The following RBFOX1 variants were observed in gnomAD, a reference collection of about 807,000 sequenced individuals.
RBFOX1 encodes RNA binding protein fox-1 homolog 1.
A neutral mutation model predicts 57.7 loss-of-function variants in RBFOX1; 8 were observed. The observed-to-expected ratio is 0.14, with a 90% CI of 0.08 to 0.25. The LOEUF is 0.25. RBFOX1 is among the 10% of genes least tolerant of loss of function. The pLI is 1.00. For missense variants in RBFOX1, 611 were observed against 548.5 expected, an observed-to-expected ratio of 1.11 and a Z score of -1.14; for synonymous variants, 326 against 222.4, an observed-to-expected ratio of 1.47 and a Z score of -4.15.
chr16:7,028,660 C>T (rs1245764048), intron 3 of RBFOX1, among the ~76,000 whole-genome samples: 5 of 144,940 alleles, frequency 3.4e-5, no homozygotes, highest in African/African-American at 5.1e-5. Context: ...ATTGTGACTT[C>T]TATTTGTGAA....
intron 3 of RBFOX1, among the ~76,000 whole-genome samples, chr16:6,894,467 T>G (rs1255217492): frequency 6.6e-6 from 1 of 152,154 alleles, no homozygotes; most frequent in Non-Finnish European, 1.5e-5. Context: ...TTTATTATCT[T>G]TTGGTTGGAC....
rs1443879735 is a variant in RBFOX1 at position 6,819,567 on chromosome 16, T to TTGG, written c.-16+164918_-16+164920dup. 2.7e-5 allele frequency among the ~76,000 whole-genome samples: 4 copies of TTGG among 149,854 alleles called. No homozygotes were observed. The Admixed American group carries it at 2.8e-4, about 10-fold the overall frequency. On this transcript the variant is annotated intron_variant, in intron 3 of 15. Transcript: ENST00000550418. Reference sequence around the variant, plus strand: ...AAAAATACAAAATTAGCCGGGCCTGTTGGCGTGTATGCCTGTAATCCCAGC... The same window carrying TTGG: ...AAAAATACAAAATTAGCCGGGCCTGTTGGTGGCGTGTATGCCTGTAATCCCAGC...
At chr16:7,031,459 G>A (rs2042769498) in intron 3 of RBFOX1, among the ~76,000 whole-genome samples, 1 of 152,016 alleles carries the variant, frequency 6.6e-6, no homozygotes. Flanking sequence ...AGCTAGGCAT[G>A]GTGGCACATG....
At chr16:6,018,014 G>A (rs1248135582), upstream of RBFOX1, among the ~76,000 whole-genome samples, 1 of 152,192 alleles carries the variant, frequency 6.6e-6, no homozygotes, top group Admixed American at 6.5e-5. Flanking sequence ...AAGGCAGGGT[G>A]GTGCCACATA....
At chr16:6,364,033 T>A (rs1261829980) in intron 2 of RBFOX1, among the ~76,000 whole-genome samples, 1 of 152,220 alleles carries the variant, frequency 6.6e-6, no homozygotes, top group East Asian at 1.9e-4. Flanking sequence ...AATGGAATAG[T>A]GGCCTGTATT....
chr16:6,722,919 G>C (rs374171326), intron 3 of RBFOX1, among the ~76,000 whole-genome samples: 1 of 152,202 alleles, frequency 6.6e-6, no homozygotes, highest in Non-Finnish European at 1.5e-5. Flanking sequence ...AATATTTGTG[G>C]TTGGGGACTA....
rs189478490 is a variant in RBFOX1, at chr16:5,960,141, C to A, written c.351+92806C>A. ...GCTTGAACCCAAGTGGCGGAGGCTGCAGTGAGCCAAGATCGTGCCATTGCA... is the reference window on the plus strand; with the variant it reads ...GCTTGAACCCAAGTGGCGGAGGCTGAAGTGAGCCAAGATCGTGCCATTGCA... On this transcript the variant is annotated intron_variant, in intron 4 of 19. Transcript: ENST00000641259. 8.1e-3 allele frequency among the ~76,000 whole-genome samples: 1,226 copies of A among 152,100 alleles called. 8 individuals carry two copies. The highest frequency in any genetic ancestry group is 0.013 in the Non-Finnish European group (897 of 68,004).
intron 3 of RBFOX1, among the ~76,000 whole-genome samples, chr16:7,003,733 T>A (rs544072568): frequency 1.1e-4 from 17 of 152,212 alleles, no homozygotes; most frequent in Non-Finnish European, 1.9e-4. Flanking sequence ...TAAGTTAGTA[T>A]GTATTAGAAA....
At chr16:7,006,431 G>A (rs578026703) in intron 3 of RBFOX1, among the ~76,000 whole-genome samples, 2 of 152,196 alleles carry the variant, frequency 1.3e-5, no homozygotes, top group Admixed American at 1.3e-4. Context: ...GGGATTACAG[G>A]CTTGAGCCAC....
intron 1 of RBFOX1, among the ~76,000 whole-genome samples, chr16:6,252,616 T>TTTTGA (rs2097626522): frequency 6.6e-6 from 1 of 151,584 alleles, no homozygotes; most frequent in African/African-American, 2.4e-5. Flanking sequence ...AGGTGTTTTG[T>TTTTGA]TTTGTTTTGT....
chr16:6,455,966 A>G (rs534515328), intron 2 of RBFOX1, among the ~76,000 whole-genome samples: 1 of 152,300 alleles, frequency 6.6e-6, no homozygotes, highest in Non-Finnish European at 1.5e-5. Context: ...ATCTTAGACT[A>G]AAGCTAGCCA....
chr16:5,389,520 G>C (rs1423069589), intron 1 of RBFOX1, among the ~76,000 whole-genome samples: 1 of 152,046 alleles, frequency 6.6e-6, no homozygotes. Context: ...AGTCACTCCA[G>C]CTGAAAATTG....
chr16:7,594,954 T>A (rs1243826379), intron 7 of RBFOX1, among the ~76,000 whole-genome samples: 1 of 152,170 alleles, frequency 6.6e-6, no homozygotes, highest in African/African-American at 2.4e-5. Flanking sequence ...GAGTTTAAGA[T>A]TTATTATAAA....
chr16:7,485,073 T>G (rs1429672537), intron 4 of RBFOX1, among the ~76,000 whole-genome samples: 2 of 152,152 alleles, frequency 1.3e-5, no homozygotes, highest in Non-Finnish European at 2.9e-5. Context: ...TTTTTTTTTT[T>G]TTTAATAACA....
intron 4 of RBFOX1, among the ~76,000 whole-genome samples, chr16:7,396,581 A>G (rs546883337): frequency 6.6e-6 from 1 of 152,150 alleles, no homozygotes; most frequent in South Asian, 2.1e-4. Flanking sequence ...ACTTAACGTT[A>G]CTTTAAGCTC....
intron 3 of RBFOX1, among the ~76,000 whole-genome samples, chr16:5,836,828 A>G (rs1257992579): frequency 6.6e-6 from 1 of 152,208 alleles, no homozygotes; most frequent in African/African-American, 2.4e-5. Flanking sequence ...AAGCACCCAG[A>G]TGAGAATGCT....
chr16:6,629,734 C>G (rs569411585), intron 2 of RBFOX1, among the ~76,000 whole-genome samples: 1 of 152,288 alleles, frequency 6.6e-6, no homozygotes, highest in East Asian at 1.9e-4. Context: ...AATAGCCTTT[C>G]CTTTCTAACC....
intron 3 of RBFOX1, among the ~76,000 whole-genome samples, chr16:6,727,600 G>A (rs1010519533): frequency 1.3e-5 from 2 of 151,912 alleles, no homozygotes; most frequent in Non-Finnish European, 2.9e-5. Context: ...GAGTTGTGCC[G>A]CCATACTAGG....
chr16:6,827,413 G>T (rs1362690178), intron 3 of RBFOX1, among the ~76,000 whole-genome samples: 1 of 152,000 alleles, frequency 6.6e-6, no homozygotes, highest in Non-Finnish European at 1.5e-5. Context: ...AGTGCTTATA[G>T]GGAAGGAAGA....
Sources: allele counts gnomAD v4.1 joint callset (sites outside exome capture counted in the v4.1 genomes callset), GRCh38; gene constraint gnomAD v4.1.1; transcripts MANE v1.5; gene names NCBI Gene and HGNC (gene_info 2026-07-23, HGNC 2026-07-21).